The following RBM47 variants were observed in gnomAD, a reference collection of about 807,000 sequenced individuals.
RBM47 encodes RNA binding motif protein 47.
RBM47 carries 21 observed loss-of-function variants against 47.1 expected under a neutral mutation model. That is an observed-to-expected ratio of 0.45 (90% CI 0.32 to 0.64). The LOEUF (loss-of-function observed/expected upper bound fraction) is 0.64. Ranked by LOEUF, RBM47 falls within the 30% of genes least tolerant of loss-of-function variation. RBM47 has a pLI of 0.05. For synonymous variants in RBM47, 375 were observed against 361.7 expected (o/e 1.04, Z -0.42); for missense variants, 708 against 870.9 (o/e 0.81, Z 2.35).
chr4:40,615,176 T>C (rs1480145262), intron 1 of RBM47, among the ~76,000 whole-genome samples: 1 of 151,956 alleles, frequency 6.6e-6, no homozygotes, highest in African/African-American at 2.4e-5. Context: ...ATACAGTGGG[T>C]GCTCAATAAA....
intron 3 of RBM47, among the ~76,000 whole-genome samples, chr4:40,444,160 C>T (rs1478185777): frequency 6.6e-6 from 1 of 152,134 alleles, no homozygotes; most frequent in Non-Finnish European, 1.5e-5. Flanking sequence ...GACTGCGCCA[C>T]TGCACTCCAG....
chr4:40,615,234 T>G (rs1022649602), intron 1 of RBM47, among the ~76,000 whole-genome samples: 1 of 151,480 alleles, frequency 6.6e-6, no homozygotes, highest in African/African-American at 2.4e-5. Flanking sequence ...AGCTCAAGAG[T>G]TCAAGACCTG....
intron 1 of RBM47, among the ~76,000 whole-genome samples, chr4:40,578,863 A>T (rs1732586697): frequency 6.6e-6 from 1 of 152,232 alleles, no homozygotes; most frequent in South Asian, 2.1e-4. Context: ...CACGCCTGTA[A>T]TTCCAGCACT....
chr4:40,610,273 C>T (rs1736141477), intron 1 of RBM47, among the ~76,000 whole-genome samples: 1 of 151,966 alleles, frequency 6.6e-6, no homozygotes, highest in South Asian at 2.1e-4. Context: ...ATTGTAAGTA[C>T]TTCATAGTTT....
intron 2 of RBM47, among the ~76,000 whole-genome samples, chr4:40,521,849 G>A (rs554867533): frequency 2.1e-4 from 32 of 152,228 alleles, no homozygotes; most frequent in African/African-American, 7.7e-4. Flanking sequence ...TAGCTCTGCT[G>A]TGCAAGGAGA....
In RBM47 at chr4:40,432,755, T is replaced by C. The variant is rs371309796; in HGVS notation, c.1438A>G (p.Ile480Val). 12 of 1,613,106 alleles carry C rather than the reference T, an allele frequency of 7.4e-6. No homozygotes were observed. Among genetic ancestry groups the C allele is most frequent in the African/African-American group, 1.3e-5 (1 of 74,878 alleles). Residue 480 changes from isoleucine to valine, a missense_variant, in exon 6 of 7, where the codon ATT becomes GTT. Coordinates refer to ENST00000295971, the MANE Select transcript of RBM47 (RefSeq NM_001098634.2). Reference sequence around the variant, plus strand: ...CTGGCTGGGTCTGGCTGCACAGCAATGGGGCTGATCATGTGCTCCACTGTG... The same window carrying C: ...CTGGCTGGGTCTGGCTGCACAGCAACGGGGCTGATCATGTGCTCCACTGTG... ...IHTVEHMISP[I>V]AVQPDPASAA...
chr4:40,559,408 G>A (rs565733704), intron 1 of RBM47, among the ~76,000 whole-genome samples: 1 of 152,306 alleles, frequency 6.6e-6, no homozygotes, highest in Non-Finnish European at 1.5e-5. Flanking sequence ...GGGTATGCAA[G>A]CATCATTTCA....
chr4:40,592,486 A>G (rs1426439177), intron 1 of RBM47, among the ~76,000 whole-genome samples: 2 of 147,916 alleles, frequency 1.4e-5, no homozygotes, highest in African/African-American at 5.0e-5. Context: ...GTGCAATGGC[A>G]TGATCTCAGC....
intron 1 of RBM47, among the ~76,000 whole-genome samples, chr4:40,619,673 T>C (rs997912369): frequency 1.4e-4 from 21 of 152,274 alleles, no homozygotes; most frequent in Admixed American, 1.1e-3. Flanking sequence ...GACATCTCCC[T>C]GCCCATCAAA....
intron 1 of RBM47, among the ~76,000 whole-genome samples, chr4:40,614,746 A>T (rs917491089): frequency 6.6e-6 from 1 of 151,992 alleles, no homozygotes; most frequent in Non-Finnish European, 1.5e-5. Context: ...TGGAAAGATC[A>T]CTTGAGCCTA....
chr4:40,436,007 A>C (rs1282499652), intron 5 of RBM47, among the ~76,000 whole-genome samples: 1 of 147,900 alleles, frequency 6.8e-6, no homozygotes, highest in African/African-American at 2.5e-5. Flanking sequence ...AAATACAAAA[A>C]AAAAAAAAAA....
At chr4:40,525,214 G>C (rs1420407425) in intron 2 of RBM47, among the ~76,000 whole-genome samples, 1 of 152,174 alleles carries the variant, frequency 6.6e-6, no homozygotes, top group Admixed American at 6.5e-5. Context: ...AAGGTGCGCA[G>C]ATTGCTTGAG....
intron 1 of RBM47, among the ~76,000 whole-genome samples, chr4:40,592,437 T>C (rs7691942): frequency 4.2e-4 from 38 of 90,178 alleles, no homozygotes; most frequent in Admixed American, 2.1e-3. Flanking sequence ...TTTTTTTTTT[T>C]TTTTAAGACA....
At chr4:40,437,090 A>AAATATAT (rs1256296949) in intron 4 of RBM47, among the ~76,000 whole-genome samples, 1 of 49,804 alleles carries the variant, frequency 2.0e-5, no homozygotes, top group African/African-American at 1.1e-4. Flanking sequence ...AAAAAAAAAA[A>AAATATAT]ATATATATAT....
intron 3 of RBM47, among the ~76,000 whole-genome samples, chr4:40,442,186 C>T (rs898498972): frequency 7.2e-5 from 11 of 152,104 alleles, no homozygotes; most frequent in African/African-American, 2.2e-4. Context: ...TTGGAGGAGA[C>T]GAATCAATGC....
intron 2 of RBM47, among the ~76,000 whole-genome samples, chr4:40,536,723 G>GT (rs1464796112): frequency 8.1e-4 from 103 of 126,696 alleles, no homozygotes; most frequent in Middle Eastern, 9.0e-3. Flanking sequence ...GTGTGTTTTT[G>GT]TTTTTTTTTT....
Position 40,437,895 on chromosome 4 carries a change from G to A in RBM47, c.999C>T (p.Gly333=), listed in dbSNP as rs545228233. The A allele has an allele frequency of 1.9e-6, 3 of 1,613,782 alleles. No individual in the cohort carries two copies. Among genetic ancestry groups the A allele is most frequent in the African/African-American group, 1.3e-5 (1 of 74,950 alleles). Residue 333 remains glycine, a synonymous_variant, in exon 4 of 7, where the codon GGC becomes GGT. Transcript: ENST00000295971. The stretch of plus-strand genomic sequence containing the variant: ...GCTGCGCTGCCTCAGCCGCGCCGCC[G>A]CCCCTGGCTGCCTTCTGGTAGCGCG... ...QYSRYQKAAR[G]GGAAEAAQQP...
intron 2 of RBM47, among the ~76,000 whole-genome samples, chr4:40,507,105 C>T (rs950557623): frequency 5.3e-5 from 8 of 152,120 alleles, no homozygotes; most frequent in Admixed American, 1.3e-4. Context: ...CAAAGGCATG[C>T]GCCACCACAT....
At chr4:40,444,348 C>G (rs1465434196) in intron 3 of RBM47, among the ~76,000 whole-genome samples, 1 of 151,920 alleles carries the variant, frequency 6.6e-6, no homozygotes, top group Admixed American at 6.6e-5. Context: ...CATTGGCAAG[C>G]TATGGCTGTG....
Sources: allele counts gnomAD v4.1 joint callset (sites outside exome capture counted in the v4.1 genomes callset), GRCh38; gene constraint gnomAD v4.1.1; transcripts MANE v1.5; gene names NCBI Gene and HGNC (gene_info 2026-07-23, HGNC 2026-07-21).